The following RHOA variants were observed in gnomAD, a reference collection of about 807,000 sequenced individuals.
RHOA encodes ras homolog family member A.
RHOA carries 3 observed loss-of-function variants against 17.5 expected under a neutral mutation model. That is an observed-to-expected ratio of 0.17 (90% CI 0.08 to 0.44). RHOA has a LOEUF of 0.44. Ranked by LOEUF, RHOA falls within the 20% of genes least tolerant of loss-of-function variation. The probability of loss-of-function intolerance (pLI) is 0.99; values close to 1 mark genes in which losing one functional copy is unlikely to be tolerated. For missense variants in RHOA, 56 were observed against 242.3 expected (o/e 0.23, Z 5.10); for synonymous variants, 98 against 88.4 (o/e 1.11, Z -0.61).
intron 1 of RHOA, among the ~76,000 whole-genome samples, chr3:49,382,570 A>G (rs573311526): frequency 6.6e-6 from 1 of 152,262 alleles, no homozygotes; most frequent in African/African-American, 2.4e-5. Context: ...CAGGAGGCAG[A>G]GGTTGCAGTG....
chr3:49,402,221 CTT>C (rs2048737485), intron 1 of RHOA, among the ~76,000 whole-genome samples: 1 of 151,946 alleles, frequency 6.6e-6, no homozygotes. Flanking sequence ...CAGGATTTGA[CTT>C]TGTTTGGCCT....
At chr3:49,372,049 G>C (rs961167663) in intron 2 of RHOA, among the ~76,000 whole-genome samples, 1 of 152,158 alleles carries the variant, frequency 6.6e-6, no homozygotes, top group Non-Finnish European at 1.5e-5. Flanking sequence ...TGAGAAATAA[G>C]CTATGAAAAT....
chr3:49,396,339 T>C (rs1441433564), intron 1 of RHOA, among the ~76,000 whole-genome samples: 2 of 152,056 alleles, frequency 1.3e-5, no homozygotes, highest in African/African-American at 4.8e-5. Flanking sequence ...TTTGGGAGGC[T>C]GAGGAGGATG....
At chr3:49,388,890 A>G (rs1458922658) in intron 1 of RHOA, among the ~76,000 whole-genome samples, 1 of 152,220 alleles carries the variant, frequency 6.6e-6, no homozygotes, top group African/African-American at 2.4e-5. Context: ...AGTACTACTC[A>G]GCAACAATAA....
chr3:49,371,488 G>T (rs940143025), intron 2 of RHOA, among the ~76,000 whole-genome samples: 1 of 151,750 alleles, frequency 6.6e-6, no homozygotes, highest in Admixed American at 6.6e-5. Flanking sequence ...GCCATGTTGG[G>T]CAGGCTGGTC....
Position 49,359,997 on chromosome 3 carries a change from G to C in RHOA, c.*212C>G. 1.9e-6 allele frequency: 1 copy of C among 520,496 alleles called. No homozygotes were observed. The allele number at this position is 520,496 out of a possible 1,614,324, so 32.2% of individuals were successfully genotyped here. ...TCAGGTGGGAGTGCAGAGGAGGGCT[G>C]TTAGAGCAGTGTCAAAAGGACCCTG... On this transcript the variant is annotated 3_prime_UTR_variant, in exon 5 of 5. Coordinates refer to ENST00000418115, the MANE Select transcript of RHOA (RefSeq NM_001664.4).
chr3:49,372,786 T>C (rs931280997), intron 2 of RHOA, among the ~76,000 whole-genome samples: 4 of 148,210 alleles, frequency 2.7e-5, no homozygotes, highest in African/African-American at 7.5e-5. Context: ...GTTTTGAACA[T>C]GGCAGTATTC....
At chr3:49,372,628 G>A (rs576859866) in intron 2 of RHOA, among the ~76,000 whole-genome samples, 96 of 151,824 alleles carry the variant, frequency 6.3e-4, no homozygotes, top group East Asian at 3.1e-3. Flanking sequence ...CGGCTACTCC[G>A]GAGGATGAGG....
At chr3:49,380,313 T>C (rs2048295913) in intron 1 of RHOA, among the ~76,000 whole-genome samples, 2 of 152,178 alleles carry the variant, frequency 1.3e-5, no homozygotes, top group African/African-American at 2.4e-5. Flanking sequence ...CAAGACTGCC[T>C]ACCTTCCATG....
chr3:49,410,248 C>G (rs1463323610), intron 1 of RHOA, among the ~76,000 whole-genome samples: 4 of 152,162 alleles, frequency 2.6e-5, no homozygotes, highest in African/African-American at 9.7e-5. Flanking sequence ...TTCTGGTCTG[C>G]TCCTGACTAG....
Position 49,359,203 on chromosome 3 carries a change from A to G in RHOA, c.*1006T>C. 2 of 188,210 alleles carry G rather than the reference A, an allele frequency of 1.1e-5. No homozygotes were observed. Among genetic ancestry groups the G allele is most frequent in the East Asian group, 8.5e-5 (1 of 11,706 alleles). 11.7% of individuals were successfully genotyped at this position (188,210 alleles called of 1,614,324 possible). A position where few individuals can be genotyped will look rare whatever the true frequency, so the allele number is the denominator to read the frequency against. ...GAAAAATTAACTGGTACAGAAAAAA[A>G]GTTTAGTCAGCTGGAGAGAAGAGAG... On this transcript the variant is annotated 3_prime_UTR_variant, in exon 5 of 5. Transcript: ENST00000418115.
At chr3:49,369,678 T>C (rs1282984622) in intron 2 of RHOA, among the ~76,000 whole-genome samples, 2 of 151,240 alleles carry the variant, frequency 1.3e-5, no homozygotes, top group Non-Finnish European at 2.9e-5. Context: ...AAGGTTGCAG[T>C]GAGCCAAGAT....
chr3:49,362,295 A>G (rs2047985459), intron 4 of RHOA, among the ~76,000 whole-genome samples: 1 of 152,186 alleles, frequency 6.6e-6, no homozygotes, highest in Non-Finnish European at 1.5e-5. Context: ...TCATAAAAAA[A>G]CATTCCATCT....
intron 4 of RHOA, among the ~76,000 whole-genome samples, chr3:49,361,787 A>C (rs2107828682): frequency 6.6e-6 from 1 of 152,332 alleles, no homozygotes; most frequent in South Asian, 2.1e-4. Context: ...AGGCTGAGGC[A>C]GGAGAATCAC....
intron 1 of RHOA, among the ~76,000 whole-genome samples, chr3:49,393,595 CTTT>C (rs34715210): frequency 0.26 from 25,779 of 97,764 alleles, 3,454 homozygotes; most frequent in Middle Eastern, 0.37. Flanking sequence ...ACTGCACTGG[CTTT>C]TTTTTTTTTT....
intron 3 of RHOA, chr3:49,365,359 G>A (rs2048038775): frequency 6.6e-6 from 1 of 151,940 alleles, no homozygotes; most frequent in Non-Finnish European, 1.5e-5. Flanking sequence ...TGGACAGGCT[G>A]GTCTTGAACT....
intron 2 of RHOA, among the ~76,000 whole-genome samples, chr3:49,373,965 G>A (rs1312942695): frequency 6.6e-6 from 1 of 151,908 alleles, no homozygotes; most frequent in Non-Finnish European, 1.5e-5. Context: ...CTTGCCAGAG[G>A]GCTTTTAGGA....
chr3:49,370,496 T>C (rs888462038), intron 2 of RHOA, among the ~76,000 whole-genome samples: 3 of 152,174 alleles, frequency 2.0e-5, no homozygotes, highest in African/African-American at 4.8e-5. Context: ...GAAACAAATC[T>C]GTATTTTGAG....
intron 1 of RHOA, among the ~76,000 whole-genome samples, chr3:49,410,001 G>A (rs914139646): frequency 6.6e-6 from 1 of 152,108 alleles, no homozygotes; most frequent in Non-Finnish European, 1.5e-5. Context: ...AGGGACCCTC[G>A]TACATTCATC....
Sources: allele counts gnomAD v4.1 joint callset (sites outside exome capture counted in the v4.1 genomes callset), GRCh38; gene constraint gnomAD v4.1.1; transcripts MANE v1.5; gene names NCBI Gene and HGNC (gene_info 2026-07-23, HGNC 2026-07-21).